The following COLQ variants were observed in gnomAD, a reference collection of about 807,000 sequenced individuals.
COLQ encodes acetylcholinesterase collagenic tail peptide.
Under a neutral mutation model 69.0 loss-of-function variants are expected in COLQ, and 48 were observed. The ratio of observed to expected loss-of-function variants is 0.70; its 90% CI spans 0.55 to 0.88. The LOEUF (loss-of-function observed/expected upper bound fraction) is 0.88. Among genes scored for constraint, COLQ ranks in the 40% least tolerant of loss-of-function variants. The pLI is 0.00. For missense variants in COLQ, 618 were observed against 594.6 expected (o/e 1.04, Z -0.41); for synonymous variants, 217 against 211.2 (o/e 1.03, Z -0.24).
intron 5 of COLQ, 107 bp from the exon 6 acceptor site, chr3:15,477,304 T>C (rs2062396284): frequency 2.1e-6 from 2 of 972,238 alleles, no homozygotes; most frequent in South Asian, 1.4e-5. Context: ...TCTCTAGGCA[T>C]GGCTACTATG....
chr3:15,487,016 G>C (rs1173355850), intron 3 of COLQ, among the ~76,000 whole-genome samples: 2 of 152,200 alleles, frequency 1.3e-5, no homozygotes, highest in African/African-American at 4.8e-5. Context: ...CACAGATATA[G>C]TTTGCCAACC....
Position 15,521,594 on chromosome 3 carries a change from A to T in COLQ, c.32T>A (p.Ile11Asn), listed in dbSNP as rs1442947037. 6.2e-7 allele frequency: 1 copy of T among 1,614,210 alleles called. No individual in the cohort carries two copies. MVVLNPMTLG[I>N]YLQLFFLSIV... Reference sequence around the variant, plus strand: ...AGAGAGGAAGAAAAGCTGAAGATAAATTCCCAAAGTCATTGGATTCAGGAC... The same window carrying T: ...AGAGAGGAAGAAAAGCTGAAGATAATTTCCCAAAGTCATTGGATTCAGGAC... The change falls in exon 1 of 17, where the codon ATT (isoleucine) becomes AAT (asparagine). Residue 11 changes from isoleucine (I) to asparagine (N), a missense_variant. Physicochemically the swap from Ile to Asn is moderately radical, Grantham distance 149. Coordinates refer to ENST00000383788, the MANE Select transcript of COLQ (RefSeq NM_005677.4).
At chr3:15,495,389 G>A (rs1253120772) in intron 1 of COLQ, among the ~76,000 whole-genome samples, 1 of 152,190 alleles carries the variant, frequency 6.6e-6, no homozygotes, top group African/African-American at 2.4e-5. Context: ...AGGAAGAAAG[G>A]GCCATTCTAT....
chr3:15,474,363 C>T (rs2062342448), intron 8 of COLQ, 91 bp from the exon 9 acceptor site: 1 of 1,333,648 alleles, frequency 7.5e-7, no homozygotes, highest in South Asian at 1.2e-5. Flanking sequence ...TAAACCAAAA[C>T]CCTCATTTTA....
chr3:15,517,130 G>A (rs181251217), intron 1 of COLQ, among the ~76,000 whole-genome samples: 8 of 152,142 alleles, frequency 5.3e-5, no homozygotes, highest in Admixed American at 2.0e-4. Flanking sequence ...GCAACAGAGC[G>A]AGACCCTGTC....
intron 14 of COLQ, 104 bp downstream of exon 14, chr3:15,456,356 T>C (rs2062025103): frequency 2.0e-6 from 3 of 1,497,302 alleles, no homozygotes; most frequent in South Asian, 1.2e-5. Context: ...AGACAGACTG[T>C]AGAAAGCCCT....
chr3:15,516,245 A>G (rs914526598), intron 1 of COLQ, among the ~76,000 whole-genome samples: 1 of 152,232 alleles, frequency 6.6e-6, no homozygotes, highest in African/African-American at 2.4e-5. Context: ...GATCAGCATC[A>G]GACACAAATA....
intron 1 of COLQ, among the ~76,000 whole-genome samples, chr3:15,509,273 T>C (rs1326645072): frequency 6.6e-6 from 1 of 152,186 alleles, no homozygotes; most frequent in African/African-American, 2.4e-5. Context: ...AAAGGAAGCA[T>C]GCAAGACAGA....
At chr3:15,475,375 T>A (rs746628150) in intron 7 of COLQ, 50 bp downstream of exon 7, 1 of 1,521,814 alleles carries the variant, frequency 6.6e-7, no homozygotes, top group South Asian at 1.2e-5. Context: ...CAGCAGCTGC[T>A]CCAGAGCCTG....
chr3:15,479,276 T>A, intron 4 of COLQ, 62 bp downstream of exon 4: 1 of 1,533,556 alleles, frequency 6.5e-7, no homozygotes, highest in East Asian at 2.2e-5. Flanking sequence ...CTCAGTGGGA[T>A]GCCCAGAAAA....
At position 15,466,329 on chromosome 3, in the gene COLQ, T is replaced by G; in HGVS notation, c.814+12A>C. ...TCCAACAGTGGATCAAGTGAAGCAG[T>G]GTAGCTCTTACCTGCAGGTGGGGGG... On this transcript the variant is annotated intron_variant, in intron 12 of 16. Transcript: ENST00000383788. 7 of 1,595,608 alleles carry G rather than the reference T, an allele frequency of 4.4e-6. No individual in the cohort carries two copies. Among genetic ancestry groups the G allele is most frequent in the Non-Finnish European group, 6.0e-6 (7 of 1,163,240 alleles).
chr3:15,498,552 G>A (rs1004811450), intron 1 of COLQ: 8 of 1,551,898 alleles, frequency 5.2e-6, no homozygotes, highest in African/African-American at 2.7e-5. Context: ...CTGAAATGAT[G>A]AGCAGATGAG....
chr3:15,498,987 C>T, intron 1 of COLQ: 1 of 1,155,482 alleles, frequency 8.7e-7, no homozygotes, highest in Non-Finnish European at 1.1e-6. Flanking sequence ...AATACCACAG[C>T]AGTATTGACT....
intron 5 of COLQ, 44 bp from the exon 6 acceptor site, chr3:15,477,241 C>G: frequency 6.5e-7 from 1 of 1,528,458 alleles, no homozygotes; most frequent in East Asian, 2.3e-5. Context: ...GGGTTTGTTT[C>G]TTTACTTCTA....
At chr3:15,495,103 A>G (rs942880877) in intron 1 of COLQ, among the ~76,000 whole-genome samples, 5 of 152,232 alleles carry the variant, frequency 3.3e-5, no homozygotes, top group African/African-American at 1.2e-4. Flanking sequence ...GCTCTACACC[A>G]TGACTGCATG....
intron 1 of COLQ, among the ~76,000 whole-genome samples, chr3:15,517,005 G>A (rs1459714144): frequency 1.3e-5 from 2 of 152,122 alleles, no homozygotes; most frequent in Non-Finnish European, 2.9e-5. Context: ...TGTCAGGCTT[G>A]GTGGCACGTG....
chr3:15,470,434 T>A, intron 11 of COLQ, 102 bp downstream of exon 11: 1 of 1,033,002 alleles, frequency 9.7e-7, no homozygotes, highest in Non-Finnish European at 1.5e-6. Flanking sequence ...GGAGTCAAGG[T>A]CTACAGAATA....
chr3:15,460,088 A>G (rs150203942), intron 12 of COLQ, among the ~76,000 whole-genome samples: 289 of 152,228 alleles, frequency 1.9e-3, no homozygotes, highest in Admixed American at 3.2e-3. Context: ...ATACAATTTC[A>G]TGGTTTCCTA....
chr3:15,455,982 T>G lies in COLQ; in HGVS notation c.1112A>C (p.Gln371Pro). ...GAGCCCATCCCCACAGGTGCCGTGC[T>G]GGTCTGCAGTGTAATCCACAGGGTA... ...PFYPVDYTAD[Q>P]HGTCGDGLLQ... The change falls in exon 15 of 17, where the codon CAG becomes CCG. Residue 371 changes from glutamine to proline, a missense_variant. Transcript: ENST00000383788. The G allele has an allele frequency of 6.2e-7, 1 of 1,614,004 alleles. No homozygotes were observed. Among genetic ancestry groups the G allele is most frequent in the African/African-American group, 1.3e-5 (1 of 74,998 alleles).
Sources: gnomAD v4.1 joint callset for allele counts (sites outside exome capture counted in the v4.1 genomes callset) on GRCh38, gnomAD v4.1.1 for gene constraint, MANE v1.5 for transcripts, NCBI Gene and HGNC (gene_info 2026-07-23, HGNC 2026-07-21) for gene names.